MBOAT1: variants seen among roughly 807,000 people sequenced by gnomAD.
MBOAT1 encodes membrane bound glycerophospholipid O-acyltransferase 1.
MBOAT1 carries 67 observed loss-of-function variants against 64.4 expected under a neutral mutation model. The ratio of observed to expected loss-of-function variants is 1.04; its 90% CI spans 0.85 to 1.27. The LOEUF is 1.27. Ranked by LOEUF, MBOAT1 falls within the 50% of genes most tolerant of loss-of-function variation. MBOAT1 has a pLI of 0.00. For synonymous variants in MBOAT1, 229 were observed against 218.9 expected (o/e 1.05, Z -0.41); for missense variants, 563 against 604.6 (o/e 0.93, Z 0.72).
At chr6:20,192,991 A>ATTTTT (rs1238333593) in intron 1 of MBOAT1, among the ~76,000 whole-genome samples, 9 of 59,848 alleles carry the variant, frequency 1.5e-4, no homozygotes, top group Non-Finnish European at 2.7e-4. Context: ...GTATGCTATA[A>ATTTTT]TTTCTTTTTT....
intron 1 of MBOAT1, among the ~76,000 whole-genome samples, chr6:20,186,579 G>C (rs138110357): frequency 2.9e-4 from 44 of 152,292 alleles, no homozygotes; most frequent in African/African-American, 1.0e-3. Context: ...GAATCTGGAG[G>C]GTCCCCAACA....
At chr6:20,203,800 TA>T (rs59442669) in intron 1 of MBOAT1, among the ~76,000 whole-genome samples, 2,336 of 139,528 alleles carry the variant, frequency 0.017, 38 homozygotes, top group African/African-American at 0.042. Flanking sequence ...TGGGCCCGTT[TA>T]AAAAAAAAAA....
chr6:20,143,335 T>G (rs1373080706), intron 4 of MBOAT1, among the ~76,000 whole-genome samples: 1 of 152,216 alleles, frequency 6.6e-6, no homozygotes, highest in South Asian at 2.1e-4. Context: ...GCCCACCACA[T>G]TAAGGCCATG....
chr6:20,115,435 A>C, intron 9 of MBOAT1, 83 bp from the exon 10 acceptor site: 2 of 1,104,102 alleles, frequency 1.8e-6, no homozygotes, highest in East Asian at 2.4e-5. Flanking sequence ...CCCTGGCAGC[A>C]GGTTAGATAC....
chr6:20,183,597 ATC>A (rs3057679), intron 1 of MBOAT1, among the ~76,000 whole-genome samples: 87,707 of 152,012 alleles, frequency 0.58, 25,845 homozygotes, highest in East Asian at 0.75. Flanking sequence ...GTTGGTATCC[ATC>A]TCTCTAAGCC....
Position 20,212,154 on chromosome 6 carries a change from C to G in MBOAT1, c.81G>C (p.Leu27=), listed in dbSNP as rs201368076. 1.2e-6 allele frequency: 2 copies of G among 1,613,560 alleles called. No homozygotes were observed. Among genetic ancestry groups the G allele is most frequent in the Non-Finnish European group, 1.7e-6 (2 of 1,179,880 alleles). The stretch of plus-strand genomic sequence containing the variant: ...CAGTTACCTGGTCCAGCGGGATGCC[C>G]AGGAGCTCGCTGAGCGGGTGCAGGT... ...STYLHPLSEL[L]GIPLDQVNFV... The change falls in exon 1 of 13, where the codon CTG becomes CTC. Residue 27 remains leucine, a synonymous_variant. Transcript: ENST00000324607.
chr6:20,136,024 C>T (rs1341616858), intron 4 of MBOAT1, among the ~76,000 whole-genome samples: 1 of 152,170 alleles, frequency 6.6e-6, no homozygotes, highest in Non-Finnish European at 1.5e-5. Flanking sequence ...TTCTGCCTCT[C>T]CTATACCCTC....
At chr6:20,151,134 T>C (rs1440455163) in intron 3 of MBOAT1, 51 bp downstream of exon 3, 2 of 1,327,848 alleles carry the variant, frequency 1.5e-6, no homozygotes, top group Non-Finnish European at 2.2e-6. Flanking sequence ...ATTTCAAAGA[T>C]CACAAAAAAA....
intron 8 of MBOAT1, among the ~76,000 whole-genome samples, chr6:20,123,721 AG>A (rs1056787794): frequency 2.0e-5 from 3 of 152,186 alleles, no homozygotes; most frequent in African/African-American, 7.2e-5. Context: ...AATTAATTCA[AG>A]GTGCATCCTA....
chr6:20,189,974 C>CT (rs1233236494), intron 1 of MBOAT1, among the ~76,000 whole-genome samples: 2 of 151,730 alleles, frequency 1.3e-5, no homozygotes, highest in South Asian at 2.1e-4. Flanking sequence ...TGTGAAAGCT[C>CT]TAAGTTTTTT....
intron 1 of MBOAT1, among the ~76,000 whole-genome samples, chr6:20,205,447 C>T (rs1645919374): frequency 6.6e-6 from 1 of 152,118 alleles, no homozygotes; most frequent in Non-Finnish European, 1.5e-5. Context: ...CTCCAGGACA[C>T]ACTAGGCCTT....
At chr6:20,200,329 T>C (rs865855835) in intron 1 of MBOAT1, among the ~76,000 whole-genome samples, 3 of 152,138 alleles carry the variant, frequency 2.0e-5, no homozygotes, top group Non-Finnish European at 2.9e-5. Context: ...GAAGAAAAAA[T>C]AGTCTTGGTT....
intron 11 of MBOAT1, among the ~76,000 whole-genome samples, chr6:20,111,880 GTA>G (rs1425039678): frequency 2.5e-5 from 1 of 39,914 alleles, no homozygotes; most frequent in Non-Finnish European, 5.5e-5. Flanking sequence ...ATATATATAT[GTA>G]TATATATATA....
At chr6:20,138,883 T>C (rs529710828) in intron 4 of MBOAT1, among the ~76,000 whole-genome samples, 24 of 152,354 alleles carry the variant, frequency 1.6e-4, no homozygotes, top group Admixed American at 1.4e-3. Flanking sequence ...TGGTTCCTTC[T>C]GCAGGCGCTG....
At chr6:20,137,323 A>C (rs978292020) in intron 4 of MBOAT1, among the ~76,000 whole-genome samples, 1 of 152,186 alleles carries the variant, frequency 6.6e-6, no homozygotes, top group African/African-American at 2.4e-5. Context: ...ACCATGGCAA[A>C]AGGAAATAAG....
At chr6:20,179,790 GCTC>G (rs1762459833) in intron 1 of MBOAT1, among the ~76,000 whole-genome samples, 1 of 152,136 alleles carries the variant, frequency 6.6e-6, no homozygotes, top group South Asian at 2.1e-4. Context: ...GTGTAAAAGT[GCTC>G]CTTTTTCTCC....
intron 12 of MBOAT1, among the ~76,000 whole-genome samples, chr6:20,109,153 A>G (rs2472753): frequency 0.03 from 4,537 of 152,166 alleles, 202 homozygotes; most frequent in African/African-American, 0.1. Flanking sequence ...CTCACCAGGG[A>G]GTCCTTCTGC....
rs751868677 is a variant in MBOAT1, at chr6:20,115,294, A to C, written c.1070T>G (p.Leu357Arg). ...TCGTTTTTGTTTTTCTTACCACTTTAGCCAAGTAGCTGTCTGAATATTCCA... is the reference window on the plus strand; with the variant it reads ...TCGTTTTTGTTTTTCTTACCACTTTCGCCAAGTAGCTGTCTGAATATTCCA... ...ENWNIQTATW[L>R]KCVCYQRVPW... The change falls in exon 10 of 13, where the codon CTA (leucine) becomes CGA (arginine). Residue 357 changes from leucine to arginine, a missense_variant. Transcript: ENST00000324607. The C allele has an allele frequency of 1.2e-6, 2 of 1,613,466 alleles. No homozygotes were observed. Among genetic ancestry groups the C allele is most frequent in the African/African-American group, 2.7e-5 (2 of 74,922 alleles).
intron 3 of MBOAT1, among the ~76,000 whole-genome samples, chr6:20,149,198 T>C (rs1399877623): frequency 2.0e-5 from 3 of 151,576 alleles, no homozygotes; most frequent in Admixed American, 6.6e-5. Flanking sequence ...ACCACAGTAA[T>C]ACTGTGGTGG....
Sources: allele counts gnomAD v4.1 joint callset (sites outside exome capture counted in the v4.1 genomes callset), GRCh38; gene constraint gnomAD v4.1.1; transcripts MANE v1.5; gene names NCBI Gene and HGNC (gene_info 2026-07-23, HGNC 2026-07-21).